Variants in SGCZ observed in about 807,000 individuals in gnomAD.
SGCZ encodes the protein sarcoglycan zeta.
SGCZ carries 40 observed loss-of-function variants against 41.3 expected under a neutral mutation model. The ratio of observed to expected loss-of-function variants is 0.97; its 90% CI spans 0.75 to 1.26. The LOEUF is 1.26. Ranked by LOEUF, SGCZ falls within the 50% of genes most tolerant of loss-of-function variation. The pLI is 0.00. For missense variants in SGCZ, 552 were observed against 369.8 expected, an observed-to-expected ratio of 1.49 and a Z score of -4.04; for synonymous variants, 206 against 137.5, an observed-to-expected ratio of 1.50 and a Z score of -3.49.
chr8:14,544,706 C>T (rs865941599), intron 2 of SGCZ, among the ~76,000 whole-genome samples: 36 of 152,036 alleles, frequency 2.4e-4, no homozygotes, highest in East Asian at 1.4e-3. Flanking sequence ...TGTGCTCGAC[C>T]GGTTCTCTGC....
At chr8:14,587,560 C>T (rs1306065697) in intron 1 of SGCZ, among the ~76,000 whole-genome samples, 2 of 152,130 alleles carry the variant, frequency 1.3e-5, no homozygotes, top group African/African-American at 4.8e-5. Context: ...GTTAGTAACT[C>T]TTTTAACAGC....
intron 1 of SGCZ, among the ~76,000 whole-genome samples, chr8:15,236,679 A>T (rs564568864): frequency 0.012 from 706 of 57,670 alleles, 6 homozygotes; most frequent in Middle Eastern, 0.023. Flanking sequence ...AAATATATAT[A>T]TTTTTTTTTC....
chr8:14,156,601 C>T (rs1239028355), intron 5 of SGCZ, among the ~76,000 whole-genome samples: 1 of 152,170 alleles, frequency 6.6e-6, no homozygotes, highest in Non-Finnish European at 1.5e-5. Flanking sequence ...TAAAGCACAA[C>T]CATGTATAGC....
At chr8:14,455,455 T>TACACACACAC (rs5889534) in intron 2 of SGCZ, among the ~76,000 whole-genome samples, 3,389 of 144,394 alleles carry the variant, frequency 0.023, 66 homozygotes, top group African/African-American at 0.053. Context: ...TTTGCATGCA[T>TACACACACAC]ACACACACAC....
intron 2 of SGCZ, among the ~76,000 whole-genome samples, chr8:14,350,776 ACT>A (rs1803062736): frequency 6.6e-6 from 1 of 151,892 alleles, no homozygotes; most frequent in Non-Finnish European, 1.5e-5. Flanking sequence ...TGAACAGAAA[ACT>A]CTCTCTCAGT....
intron 1 of SGCZ, among the ~76,000 whole-genome samples, chr8:15,225,149 A>C (rs1437496295): frequency 6.6e-6 from 1 of 152,208 alleles, no homozygotes; most frequent in Non-Finnish European, 1.5e-5. Flanking sequence ...CTTTTCAAGG[A>C]AACTCAGAAT....
chr8:14,741,483 C>T (rs1443402612), intron 1 of SGCZ, among the ~76,000 whole-genome samples: 1 of 151,732 alleles, frequency 6.6e-6, no homozygotes, highest in African/African-American at 2.4e-5. Flanking sequence ...TAAATTTTTC[C>T]AAGTAGTTTT....
intron 1 of SGCZ, among the ~76,000 whole-genome samples, chr8:14,992,798 G>A (rs767652713): frequency 4.2e-5 from 5 of 120,180 alleles, no homozygotes; most frequent in Non-Finnish European, 6.5e-5. Context: ...CCCAAAACTA[G>A]TGTTACCCTT....
chr8:15,135,772 G>A (rs268430), intron 1 of SGCZ, among the ~76,000 whole-genome samples: 4 of 152,180 alleles, frequency 2.6e-5, no homozygotes, highest in East Asian at 1.9e-4. Context: ...GAAATAATTC[G>A]AGGGTGAGCT....
At chr8:14,940,034 G>C (rs1245510920) in intron 1 of SGCZ, among the ~76,000 whole-genome samples, 1 of 152,066 alleles carries the variant, frequency 6.6e-6, no homozygotes, top group Non-Finnish European at 1.5e-5. Flanking sequence ...CTGTTTACAA[G>C]TTTTGTTTAT....
At chr8:15,194,946 C>G (rs546395618) in intron 1 of SGCZ, among the ~76,000 whole-genome samples, 16 of 152,290 alleles carry the variant, frequency 1.1e-4, no homozygotes, top group African/African-American at 3.8e-4. Flanking sequence ...GTATCTACAA[C>G]TTGCGACGTC....
intron 1 of SGCZ, among the ~76,000 whole-genome samples, chr8:15,158,252 T>A (rs1585623699): frequency 2.0e-5 from 3 of 152,246 alleles, no homozygotes; most frequent in Admixed American, 6.5e-5. Context: ...AGGTTTCTCT[T>A]TCTGTTTATC....
chr8:15,103,884 T>C lies in SGCZ; in HGVS notation c.39+133701A>G, dbSNP rs116520408. Among the ~76,000 whole-genome samples the C allele has an allele frequency of 9.1e-3, 1,378 of 151,928 alleles. 17 individuals are homozygous for C. Among genetic ancestry groups the C allele is most frequent in the African/African-American group, 0.032 (1,331 of 41,432 alleles). ...GCAAAGCATACAAATACGAAGCAAA[T>C]AGAAAAAGTGTCAAAGTCACACTAA... On this transcript the variant is annotated intron_variant, in intron 1 of 7. Coordinates refer to ENST00000382080, the MANE Select transcript of SGCZ (RefSeq NM_139167.4).
intron 2 of SGCZ, among the ~76,000 whole-genome samples, chr8:14,364,824 G>C (rs1012433402): frequency 6.6e-6 from 1 of 151,930 alleles, no homozygotes; most frequent in African/African-American, 2.4e-5. Context: ...CTTTGCCCAT[G>C]GTGTTCTTCA....
At chr8:15,129,707 C>CAAAAAAAAAA (rs59401421) in intron 1 of SGCZ, among the ~76,000 whole-genome samples, 1 of 107,856 alleles carries the variant, frequency 9.3e-6, no homozygotes, top group Non-Finnish European at 1.8e-5. Flanking sequence ...GAAGCATTTG[C>CAAAAAAAAAA]AAAAAAAAAA....
At chr8:14,419,210 C>G (rs556470085) in intron 2 of SGCZ, among the ~76,000 whole-genome samples, 1 of 151,774 alleles carries the variant, frequency 6.6e-6, no homozygotes, top group African/African-American at 2.4e-5. Context: ...TAAAAGAAAA[C>G]TGAAAGTTAG....
chr8:14,101,419 T>C (rs1409848381), intron 7 of SGCZ, among the ~76,000 whole-genome samples: 1 of 152,200 alleles, frequency 6.6e-6, no homozygotes, highest in African/African-American at 2.4e-5. Flanking sequence ...GAAGAAATAA[T>C]GGGAATTTCC....
intron 2 of SGCZ, among the ~76,000 whole-genome samples, chr8:14,483,613 T>C (rs754455353): frequency 1.3e-5 from 2 of 152,116 alleles, no homozygotes; most frequent in African/African-American, 2.4e-5. Context: ...CAACACTAAT[T>C]TATTCATTTT....
chr8:14,823,571 A>C (rs1051623791), intron 1 of SGCZ, among the ~76,000 whole-genome samples: 4 of 152,200 alleles, frequency 2.6e-5, no homozygotes, highest in African/African-American at 9.6e-5. Context: ...AAAAAGACAA[A>C]GGAAACCAAT....
Sources: allele counts gnomAD v4.1 joint callset (sites outside exome capture counted in the v4.1 genomes callset), GRCh38; gene constraint gnomAD v4.1.1; transcripts MANE v1.5; gene names NCBI Gene and HGNC (gene_info 2026-07-23, HGNC 2026-07-21).